TTC27: variants seen among roughly 807,000 people sequenced by gnomAD.
The protein encoded by TTC27 is tetratricopeptide repeat protein 27.
Under a neutral mutation model 115.9 loss-of-function variants are expected in TTC27, and 79 were observed. That is an observed-to-expected ratio of 0.68 (90% CI 0.57 to 0.82). The LOEUF is 0.82. Ranked by LOEUF, TTC27 falls within the 40% of genes least tolerant of loss-of-function variation. The probability of loss-of-function intolerance (pLI) is 0.00; values close to 1 mark genes in which losing one functional copy is unlikely to be tolerated. For missense variants in TTC27, 1,054 were observed against 993.1 expected, an observed-to-expected ratio of 1.06 and a Z score of -0.82; for synonymous variants, 401 against 356.0, an observed-to-expected ratio of 1.13 and a Z score of -1.42.
At chr2:32,769,767 C>T (rs1669765752) in intron 13 of TTC27, among the ~76,000 whole-genome samples, 1 of 152,138 alleles carries the variant, frequency 6.6e-6, no homozygotes, top group Non-Finnish European at 1.5e-5. Context: ...ATATTCTAAG[C>T]TCTTATGTAA....
chr2:32,674,456 C>A (rs996916505), intron 8 of TTC27, among the ~76,000 whole-genome samples: 5 of 151,864 alleles, frequency 3.3e-5, no homozygotes, highest in African/African-American at 1.2e-4. Context: ...CAGTCAAAAT[C>A]TTATTCTTTT....
At chr2:32,812,373 T>C in intron 17 of TTC27, 131 bp from the exon 18 acceptor site, 2 of 624,746 alleles carry the variant, frequency 3.2e-6, no homozygotes, top group South Asian at 2.1e-5. Context: ...GTGAGAGTAA[T>C]AGACGCTGTG....
intron 10 of TTC27, 55 bp from the exon 11 acceptor site, chr2:32,733,773 T>G: frequency 1.4e-6 from 1 of 729,768 alleles, no homozygotes; most frequent in Non-Finnish European, 2.0e-6. Flanking sequence ...AATAAGGACT[T>G]ATTTATATTA....
chr2:32,777,280 A>G (rs1572603781), intron 13 of TTC27, among the ~76,000 whole-genome samples: 2 of 152,360 alleles, frequency 1.3e-5, no homozygotes, highest in East Asian at 3.9e-4. Context: ...GATACTTTGT[A>G]TATGGTGGTC....
intron 12 of TTC27, among the ~76,000 whole-genome samples, chr2:32,750,026 G>T (rs1668956367): frequency 6.6e-6 from 1 of 152,202 alleles, no homozygotes; most frequent in Non-Finnish European, 1.5e-5. Context: ...TGTGAGAAGA[G>T]CTGGGGAAAT....
At chr2:32,803,393 T>C (rs1671024681) in intron 16 of TTC27, among the ~76,000 whole-genome samples, 2 of 152,210 alleles carry the variant, frequency 1.3e-5, no homozygotes, top group South Asian at 4.1e-4. Context: ...TCCATGCTGA[T>C]GGTAAATGTC....
At chr2:32,736,465 C>G (rs1479086190) in intron 11 of TTC27, among the ~76,000 whole-genome samples, 1 of 151,952 alleles carries the variant, frequency 6.6e-6, no homozygotes, top group Non-Finnish European at 1.5e-5. Context: ...TTAGCATTTT[C>G]AACAAAAAAA....
intron 12 of TTC27, among the ~76,000 whole-genome samples, chr2:32,754,668 C>T (rs1216072957): frequency 1.6e-4 from 24 of 151,640 alleles, no homozygotes; most frequent in Non-Finnish European, 2.7e-4. Flanking sequence ...GGTACACCTC[C>T]CAGACGGGGT....
chr2:32,653,322 C>T (rs557094562), intron 5 of TTC27, among the ~76,000 whole-genome samples: 91 of 152,152 alleles, frequency 6.0e-4, no homozygotes, highest in Non-Finnish European at 9.7e-4. Context: ...ACAGTCTCCA[C>T]GGTGGCTCAT....
intron 16 of TTC27, among the ~76,000 whole-genome samples, chr2:32,809,047 A>T (rs1671231383): frequency 6.6e-6 from 1 of 152,196 alleles, no homozygotes; most frequent in Non-Finnish European, 1.5e-5. Flanking sequence ...GAGATGATGT[A>T]CCTTGTCAAA....
At chr2:32,749,529 T>C (rs1430312999) in intron 12 of TTC27, among the ~76,000 whole-genome samples, 1 of 152,236 alleles carries the variant, frequency 6.6e-6, no homozygotes, top group Non-Finnish European at 1.5e-5. Flanking sequence ...CCTGTATTAT[T>C]GCAAGTCTTT....
chr2:32,678,474 C>G (rs1037702676), intron 8 of TTC27, among the ~76,000 whole-genome samples: 11 of 151,976 alleles, frequency 7.2e-5, no homozygotes, highest in Non-Finnish European at 1.6e-4. Context: ...GTTGCCCAGG[C>G]TGGAGTGCAG....
chr2:32,729,991 G>A (rs1157773659), intron 10 of TTC27, among the ~76,000 whole-genome samples: 4 of 152,272 alleles, frequency 2.6e-5, no homozygotes, highest in East Asian at 1.9e-4. Context: ...ATTTCTGGGC[G>A]TGTGTGAAAG....
chr2:32,754,010 G>A (rs1462257279), intron 12 of TTC27, among the ~76,000 whole-genome samples: 1 of 151,988 alleles, frequency 6.6e-6, no homozygotes, highest in Non-Finnish European at 1.5e-5. Flanking sequence ...GGGAGGTGGA[G>A]GTTGCAGTGA....
At chr2:32,737,940 TG>T (rs1305002760) in intron 12 of TTC27, among the ~76,000 whole-genome samples, 1 of 152,076 alleles carries the variant, frequency 6.6e-6, no homozygotes, top group Non-Finnish European at 1.5e-5. Context: ...CACTTGGGCC[TG>T]GGAGGTTAAG....
At chr2:32,649,642 T>G (rs548156210) in intron 4 of TTC27, among the ~76,000 whole-genome samples, 1 of 152,008 alleles carries the variant, frequency 6.6e-6, no homozygotes, top group South Asian at 2.1e-4. Flanking sequence ...CCTCCCAGGT[T>G]TAAGCAATTC....
intron 11 of TTC27, among the ~76,000 whole-genome samples, chr2:32,736,187 G>C (rs897258418): frequency 2.6e-5 from 4 of 151,984 alleles, no homozygotes; most frequent in African/African-American, 9.7e-5. Context: ...CCAGGGACTG[G>C]GAAATTAGGT....
At chr2:32,646,032 T>C (rs1292611639) in intron 4 of TTC27, among the ~76,000 whole-genome samples, 3 of 149,418 alleles carry the variant, frequency 2.0e-5, no homozygotes, top group Admixed American at 6.7e-5. Context: ...ATTTTCAATT[T>C]TAATTTTTTT....
intron 12 of TTC27, among the ~76,000 whole-genome samples, chr2:32,744,349 C>A (rs1437550915): frequency 2.0e-5 from 3 of 152,154 alleles, no homozygotes; most frequent in Non-Finnish European, 2.9e-5. Flanking sequence ...TAGTTTTGAT[C>A]TTCTACTATT....
Sources: allele counts gnomAD v4.1 joint callset (sites outside exome capture counted in the v4.1 genomes callset), GRCh38; gene constraint gnomAD v4.1.1; transcripts MANE v1.5; gene names NCBI Gene and HGNC (gene_info 2026-07-23, HGNC 2026-07-21).